Variants in CCDC85A observed in about 807,000 individuals in gnomAD.
CCDC85A encodes the protein coiled-coil domain containing 85A.
Under a neutral mutation model 50.2 loss-of-function variants are expected in CCDC85A, and 38 were observed. The ratio of observed to expected loss-of-function variants is 0.76; its 90% CI spans 0.58 to 0.99. CCDC85A has a LOEUF of 0.99. Ranked by LOEUF, CCDC85A falls within the 50% of genes least tolerant of loss-of-function variation. The probability of loss-of-function intolerance (pLI) is 0.00; values close to 1 mark genes in which losing one functional copy is unlikely to be tolerated. For missense variants in CCDC85A, 820 were observed against 742.0 expected (o/e 1.11, Z -1.22); for synonymous variants, 366 against 301.4 (o/e 1.21, Z -2.22).
In CCDC85A at chr2:56,375,865, A is replaced by C; in HGVS notation, c.1502A>C (p.Asn501Thr). 1 of 1,613,658 alleles carries C rather than the reference A, an allele frequency of 6.2e-7. No homozygotes were observed. The highest frequency in any genetic ancestry group is 8.5e-7 in the Non-Finnish European group (1 of 1,179,754). ...GCTGATGGGAGTAACAGTTCACCCA[A>C]CTCTGCAGCTAGCTTCAGTGGACAT... ...SGADGSNSSP[N>T]SAASFSGHAT... Residue 501 changes from asparagine (N) to threonine (T), a missense_variant, in exon 5 of 6, where the codon AAC (asparagine) becomes ACC (threonine). Asn to Thr is a moderately conservative substitution (Grantham distance 65). Transcript: ENST00000407595.
At chr2:56,254,498 G>C (rs1221042334) in intron 2 of CCDC85A, among the ~76,000 whole-genome samples, 2 of 152,160 alleles carry the variant, frequency 1.3e-5, no homozygotes, top group African/African-American at 4.8e-5. Flanking sequence ...CAAGCACTGT[G>C]TTAGACATGG....
intron 2 of CCDC85A, among the ~76,000 whole-genome samples, chr2:56,329,897 A>G (rs1339131383): frequency 1.4e-5 from 2 of 143,570 alleles, no homozygotes; most frequent in South Asian, 2.2e-4. Flanking sequence ...AGAAAATAAC[A>G]TATTTATAGG....
At chr2:56,336,134 C>T (rs1674060662) in intron 2 of CCDC85A, among the ~76,000 whole-genome samples, 3 of 152,036 alleles carry the variant, frequency 2.0e-5, no homozygotes, top group Admixed American at 6.6e-5. Flanking sequence ...TAATTTTCCT[C>T]ATATACACTC....
chr2:56,330,025 T>G (rs142229497), intron 2 of CCDC85A, among the ~76,000 whole-genome samples: 201 of 138,840 alleles, frequency 1.4e-3, no homozygotes, highest in African/African-American at 5.0e-3. Flanking sequence ...ACCGACTAGA[T>G]GCACTTAAAG....
chr2:56,318,703 G>A lies in CCDC85A; in HGVS notation c.1241-24176G>A, dbSNP rs116454647. 6.1e-3 allele frequency among the ~76,000 whole-genome samples: 929 copies of A among 152,140 alleles called. 6 individuals are homozygous for A. The highest frequency in any genetic ancestry group is 0.021 in the African/African-American group (880 of 41,528). ...AACACTAATTGAACAAATTTTGTGT[G>A]CACAGTAATTTATTCAATGGTACTC... On this transcript the variant is annotated intron_variant, in intron 2 of 5. Coordinates refer to ENST00000407595, the MANE Select transcript of CCDC85A (RefSeq NM_001080433.2).
At chr2:56,234,645 T>G (rs540327341) in intron 2 of CCDC85A, among the ~76,000 whole-genome samples, 48 of 152,300 alleles carry the variant, frequency 3.2e-4, no homozygotes, top group African/African-American at 1.0e-3. Context: ...CCTACCTTTT[T>G]TTTTCTTCTC....
At chr2:56,369,908 A>G (rs1420949728) in intron 3 of CCDC85A, among the ~76,000 whole-genome samples, 1 of 152,146 alleles carries the variant, frequency 6.6e-6, no homozygotes, top group Non-Finnish European at 1.5e-5. Flanking sequence ...ATTGACTAGT[A>G]CAGTTATAGC....
intron 1 of CCDC85A, among the ~76,000 whole-genome samples, chr2:56,190,148 C>A (rs1052892628): frequency 1.3e-5 from 2 of 152,156 alleles, no homozygotes; most frequent in African/African-American, 4.8e-5. Context: ...TGAAATCAGC[C>A]TGAGTGTAAG....
chr2:56,184,226 C>G lies in CCDC85A; in HGVS notation c.-399C>G. On this transcript the variant is annotated 5_prime_UTR_variant, in exon 1 of 6. Coordinates refer to ENST00000407595, the MANE Select transcript of CCDC85A (RefSeq NM_001080433.2). ...GTGCGTGTGCGTGCACGCCTGTGTG[C>G]AGGGCAGAGAGTGCGGGGGGCGACA... The G allele has an allele frequency of 1.0e-6, 1 of 986,474 alleles. No individual in the cohort carries two copies. The highest frequency in any genetic ancestry group is 1.2e-6 in the Non-Finnish European group (1 of 826,280). 61.1% of individuals were successfully genotyped at this position (986,474 alleles called of 1,614,324 possible). A position where few individuals can be genotyped will look rare whatever the true frequency, so the allele number is the denominator to read the frequency against.
rs184756737 is a variant in CCDC85A at position 56,224,767 on chromosome 2, T to A, written c.1240+31327T>A. ...TTCTTTGGAGAAATGTCTATTCAAG[T>A]CTTTTCCCATTTTTAATTGGTTTGT... On this transcript the variant is annotated intron_variant, in intron 2 of 5. Transcript: ENST00000407595. Among the ~76,000 whole-genome samples, 52 of 152,324 alleles carry A rather than the reference T, an allele frequency of 3.4e-4. 1 individual carries two copies. The highest frequency in any genetic ancestry group is 2.9e-3 in the Admixed American group (44 of 15,298).
chr2:56,224,006 T>C (rs576970848), intron 2 of CCDC85A, among the ~76,000 whole-genome samples: 15 of 152,304 alleles, frequency 9.8e-5, no homozygotes, highest in African/African-American at 3.6e-4. Context: ...TACAGTCCAA[T>C]GGCTTTTAGT....
chr2:56,240,103 C>A (rs1351242375), intron 2 of CCDC85A, among the ~76,000 whole-genome samples: 1 of 152,100 alleles, frequency 6.6e-6, no homozygotes, highest in Non-Finnish European at 1.5e-5. Flanking sequence ...ATGATCATCA[C>A]TATTTAATTT....
At chr2:56,202,883 C>G (rs987788753) in intron 2 of CCDC85A, among the ~76,000 whole-genome samples, 20 of 152,116 alleles carry the variant, frequency 1.3e-4, no homozygotes, top group African/African-American at 2.4e-5. Flanking sequence ...TAATAAGACC[C>G]TGAAAGGCAA....
At chr2:56,205,862 T>G (rs1676938182) in intron 2 of CCDC85A, among the ~76,000 whole-genome samples, 1 of 152,164 alleles carries the variant, frequency 6.6e-6, no homozygotes, top group South Asian at 2.1e-4. Flanking sequence ...AGATGTATGG[T>G]TAAGCAAGAA....
At chr2:56,330,828 A>G (rs570215944) in intron 2 of CCDC85A, among the ~76,000 whole-genome samples, 7 of 152,288 alleles carry the variant, frequency 4.6e-5, no homozygotes, top group Admixed American at 3.3e-4. Context: ...TTCCCAGAGA[A>G]CTAAAAATAG....
chr2:56,342,682 G>A (rs369631963), intron 2 of CCDC85A, among the ~76,000 whole-genome samples, 197 bp from the exon 3 acceptor site: 20 of 152,126 alleles, frequency 1.3e-4, no homozygotes, highest in East Asian at 1.2e-3. Flanking sequence ...ATTTCTTAAC[G>A]TTGTAAAATT....
intron 1 of CCDC85A, among the ~76,000 whole-genome samples, chr2:56,186,124 C>T (rs986252413): frequency 2.0e-5 from 3 of 152,106 alleles, no homozygotes; most frequent in African/African-American, 4.8e-5. Flanking sequence ...CTCCCGAGGC[C>T]GAAAGTCATT....
chr2:56,244,224 C>G (rs953339340), intron 2 of CCDC85A, among the ~76,000 whole-genome samples: 1 of 152,066 alleles, frequency 6.6e-6, no homozygotes, highest in Non-Finnish European at 1.5e-5. Context: ...GAGTTGGAAA[C>G]CATAGAAATC....
chr2:56,311,075 C>G (rs186060810), intron 2 of CCDC85A, among the ~76,000 whole-genome samples: 3 of 152,250 alleles, frequency 2.0e-5, no homozygotes, highest in East Asian at 1.9e-4. Flanking sequence ...TTTCTACATG[C>G]TGGTGTTTTG....
Sources: gnomAD v4.1 joint callset for allele counts (sites outside exome capture counted in the v4.1 genomes callset) on GRCh38, gnomAD v4.1.1 for gene constraint, MANE v1.5 for transcripts, NCBI Gene and HGNC (gene_info 2026-07-23, HGNC 2026-07-21) for gene names.